Variants in RPS6KC1 observed in about 807,000 individuals in gnomAD.
RPS6KC1 encodes the protein ribosomal protein S6 kinase C1, also known as inactive ribosomal protein S6 kinase delta-1.
In RPS6KC1, 54 loss-of-function variants were observed where a neutral mutation model predicts 103.8. The observed-to-expected ratio is 0.52, with a 90% CI of 0.42 to 0.65. The LOEUF is 0.65. RPS6KC1 is among the 30% of genes least tolerant of loss of function. The pLI is 0.00. For synonymous variants in RPS6KC1, 439 were observed against 438.7 expected, an observed-to-expected ratio of 1.00 and a Z score of -0.01; for missense variants, 1,151 against 1,253.8, an observed-to-expected ratio of 0.92 and a Z score of 1.24.
At chr1:213,532,846 C>A in the RPS6KC1 span, among the ~76,000 whole-genome samples, 3 of 152,182 alleles carry the variant, frequency 2.0e-5, no homozygotes, top group Admixed American at 1.3e-4. Flanking sequence ...TCACCTAGGC[C>A]TGGCCTACAG....
chr1:213,308,157 C>CA, the RPS6KC1 span, among the ~76,000 whole-genome samples: 2 of 151,546 alleles, frequency 1.3e-5, no homozygotes, highest in Admixed American at 6.6e-5. Context: ...ACTTAAAATA[C>CA]AAAAAAATGA....
chr1:213,487,467 A>G, the RPS6KC1 span, among the ~76,000 whole-genome samples: 9 of 151,746 alleles, frequency 5.9e-5, no homozygotes, highest in Admixed American at 1.3e-4. Flanking sequence ...TTGCCTTCCA[A>G]TCCATTCTTA....
chr1:213,076,208 CAGG>C (rs953804138), intron 2 of RPS6KC1, among the ~76,000 whole-genome samples: 3 of 152,144 alleles, frequency 2.0e-5, no homozygotes, highest in Non-Finnish European at 4.4e-5. Context: ...AGGGAAGCAT[CAGG>C]AGGAAGCAGT....
chr1:213,356,562 A>G, the RPS6KC1 span, among the ~76,000 whole-genome samples: 3 of 152,332 alleles, frequency 2.0e-5, no homozygotes, highest in South Asian at 6.2e-4. Context: ...AGGCTGAGGC[A>G]GGAGAATCAC....
intron 3 of RPS6KC1, among the ~76,000 whole-genome samples, chr1:213,088,239 T>C (rs1031421938): frequency 6.6e-6 from 1 of 152,180 alleles, no homozygotes; most frequent in South Asian, 2.1e-4. Context: ...TCTACAGAGA[T>C]CCGAATCCCA....
downstream of RPS6KC1, among the ~76,000 whole-genome samples, chr1:213,274,938 G>C (rs1045308354): frequency 3.3e-5 from 5 of 152,044 alleles, 1 homozygote; most frequent in African/African-American, 7.2e-5. Context: ...TGGAAACTCT[G>C]TACCCACTAA....
chr1:213,080,350 C>T (rs1292832072), intron 3 of RPS6KC1, among the ~76,000 whole-genome samples: 6 of 152,070 alleles, frequency 3.9e-5, no homozygotes, highest in Non-Finnish European at 5.9e-5. Flanking sequence ...CTTTATTTCT[C>T]GTTCTGTAAG....
At chr1:213,654,450 T>G in the RPS6KC1 span, among the ~76,000 whole-genome samples, 130 of 152,310 alleles carry the variant, frequency 8.5e-4, no homozygotes, top group Admixed American at 1.4e-3. Flanking sequence ...ATCTCCACCT[T>G]TCACTAAAAT....
chr1:213,079,759 A>G (rs2079684249), intron 3 of RPS6KC1, among the ~76,000 whole-genome samples: 1 of 152,054 alleles, frequency 6.6e-6, no homozygotes, highest in East Asian at 1.9e-4. Flanking sequence ...AAATAAAAAC[A>G]AAACACAAAG....
intron 2 of RPS6KC1, chr1:213,072,824 C>G (rs2079004269): frequency 3.1e-6 from 1 of 322,920 alleles, no homozygotes; most frequent in African/African-American, 2.2e-5. Flanking sequence ...AATGCATTGT[C>G]TGATTGCTGT....
the RPS6KC1 span, among the ~76,000 whole-genome samples, chr1:213,512,218 G>A: frequency 6.6e-6 from 1 of 152,160 alleles, no homozygotes; most frequent in Non-Finnish European, 1.5e-5. Context: ...TGTTCCTTGT[G>A]TCTTTGGAAA....
chr1:213,226,981 C>G (rs534979717), intron 8 of RPS6KC1, among the ~76,000 whole-genome samples: 14 of 152,318 alleles, frequency 9.2e-5, no homozygotes, highest in Middle Eastern at 3.4e-3. Flanking sequence ...CACTTATTAT[C>G]TTTGTGAGTA....
At chr1:213,187,272 A>G (rs1293199254) in intron 8 of RPS6KC1, among the ~76,000 whole-genome samples, 1 of 141,268 alleles carries the variant, frequency 7.1e-6, no homozygotes, top group East Asian at 2.0e-4. Flanking sequence ...TTTTTGAGAC[A>G]GGATCTCACT....
At chr1:213,609,333 T>C in the RPS6KC1 span, among the ~76,000 whole-genome samples, 4 of 152,238 alleles carry the variant, frequency 2.6e-5, no homozygotes, top group Non-Finnish European at 5.9e-5. Flanking sequence ...TGCAGAGACC[T>C]GACCTCTGGC....
rs1455309702 is a variant in RPS6KC1 at position 213,062,762 on chromosome 1, G to A, written c.106-8244G>A. Among the ~76,000 whole-genome samples the A allele has an allele frequency of 2.6e-5, 4 of 152,196 alleles. No individual in the cohort carries two copies. In the East Asian group the frequency reaches 5.8e-4, roughly 22 times the overall value. The stretch of plus-strand genomic sequence containing the variant: ...AGTAGAGACAGGGTTTCACCATGTT[G>A]GCCAGGATGGTCTCATTCTTGACCT... On this transcript the variant is annotated intron_variant, in intron 1 of 14. Transcript: ENST00000366960.
chr1:213,369,023 T>C, the RPS6KC1 span, among the ~76,000 whole-genome samples: 7 of 152,230 alleles, frequency 4.6e-5, no homozygotes, highest in Non-Finnish European at 8.8e-5. Context: ...CTGAACTTAC[T>C]TTATGTTAGA....
At chr1:213,576,302 T>G in the RPS6KC1 span, among the ~76,000 whole-genome samples, 1 of 151,652 alleles carries the variant, frequency 6.6e-6, no homozygotes, top group Non-Finnish European at 1.5e-5. Context: ...TATGAGGTAA[T>G]ATATTTAATG....
At chr1:213,558,577 C>T in the RPS6KC1 span, among the ~76,000 whole-genome samples, 1 of 152,218 alleles carries the variant, frequency 6.6e-6, no homozygotes, top group African/African-American at 2.4e-5. Context: ...CTACGTGACT[C>T]TTCTTCCCTG....
At chr1:213,172,869 A>G (rs1310984504) in intron 7 of RPS6KC1, among the ~76,000 whole-genome samples, 1 of 152,218 alleles carries the variant, frequency 6.6e-6, no homozygotes, top group East Asian at 1.9e-4. Flanking sequence ...ATCTTCTGCT[A>G]TAATTGCTAA....
Sources: allele counts gnomAD v4.1 joint callset (sites outside exome capture counted in the v4.1 genomes callset), GRCh38; gene constraint gnomAD v4.1.1; transcripts MANE v1.5; gene names NCBI Gene and HGNC (gene_info 2026-07-23, HGNC 2026-07-21).